Variants in SLC25A46 observed in about 807,000 individuals in gnomAD.
SLC25A46 encodes mitochondrial outer membrane protein SLC25A46.
In SLC25A46, 39 loss-of-function variants were observed where a neutral mutation model predicts 44.6. The ratio of observed to expected loss-of-function variants is 0.87; its 90% CI spans 0.68 to 1.14. The LOEUF is 1.14. Among genes scored for constraint, SLC25A46 ranks in the 50% most tolerant of loss-of-function variants. SLC25A46 has a pLI of 0.00. For synonymous variants in SLC25A46, 202 were observed against 185.8 expected, an observed-to-expected ratio of 1.09 and a Z score of -0.71; for missense variants, 547 against 522.7, an observed-to-expected ratio of 1.05 and a Z score of -0.45.
chr5:110,741,752 A>C (rs1799694370), intron 1 of SLC25A46: 1 of 229,228 alleles, frequency 4.4e-6, no homozygotes, highest in Non-Finnish European at 8.4e-6. Context: ...TTTTTTTGAA[A>C]AAATTACAAC....
At chr5:110,751,819 G>T (rs1458293806) in intron 5 of SLC25A46, among the ~76,000 whole-genome samples, 1 of 152,202 alleles carries the variant, frequency 6.6e-6, no homozygotes, top group Non-Finnish European at 1.5e-5. Flanking sequence ...GTAGATCAAA[G>T]AGAAGGCAGT....
intron 5 of SLC25A46, chr5:110,753,308 T>TC (rs1434614895): frequency 1.3e-5 from 2 of 150,578 alleles, no homozygotes; most frequent in South Asian, 4.2e-4. Flanking sequence ...TAAGTTTTTT[T>TC]TTTTTTTTTT....
intron 3 of SLC25A46, among the ~76,000 whole-genome samples, chr5:110,744,610 G>A (rs1000050427): frequency 2.0e-5 from 3 of 152,132 alleles, no homozygotes; most frequent in African/African-American, 7.2e-5. Context: ...AGCTCTTGAC[G>A]ATGCATATAG....
rs558223049 is a variant in SLC25A46, at chr5:110,762,030, T to C, written c.*248T>C. On this transcript the variant is annotated 3_prime_UTR_variant, in exon 8 of 8. Coordinates refer to ENST00000355943, the MANE Select transcript of SLC25A46 (RefSeq NM_138773.4). Reference sequence around the variant, plus strand: ...TAAATTCTAGTTAGTGTAGCACTCATGCTGAAGTAAACATGATCGTAGGCA... The same window carrying C: ...TAAATTCTAGTTAGTGTAGCACTCACGCTGAAGTAAACATGATCGTAGGCA... 1 of 333,890 alleles carries C rather than the reference T, an allele frequency of 3.0e-6. No individual in the cohort carries two copies. The highest frequency in any genetic ancestry group is 5.2e-5 in the South Asian group (1 of 19,092). 20.7% of individuals were successfully genotyped at this position (333,890 alleles called of 1,614,324 possible).
intron 1 of SLC25A46, among the ~76,000 whole-genome samples, chr5:110,739,730 A>T (rs963651726): frequency 1.3e-5 from 2 of 152,180 alleles, no homozygotes; most frequent in Non-Finnish European, 2.9e-5. Flanking sequence ...TCACTTTGGC[A>T]GCTCTATTTT....
intron 5 of SLC25A46, chr5:110,753,716 GT>G (rs1800030072): frequency 6.6e-6 from 1 of 152,048 alleles, no homozygotes. Flanking sequence ...TAAATACTTG[GT>G]TTTAAGTCTC....
At chr5:110,759,189 A>G (rs969734346) in intron 7 of SLC25A46, among the ~76,000 whole-genome samples, 7 of 152,160 alleles carry the variant, frequency 4.6e-5, no homozygotes, top group African/African-American at 1.7e-4. Flanking sequence ...GGTATATTTC[A>G]TGGCGATTAA....
At chr5:110,743,544 T>G (rs1799740808) in intron 2 of SLC25A46, among the ~76,000 whole-genome samples, 186 bp from the exon 3 acceptor site, 1 of 152,092 alleles carries the variant, frequency 6.6e-6, no homozygotes, top group Non-Finnish European at 1.5e-5. Flanking sequence ...ATATTGAATT[T>G]CGTTATGGGT....
Position 110,739,083 on chromosome 5 carries a change from G to A in SLC25A46, c.-37G>A, listed in dbSNP as rs531287378. On this transcript the variant is annotated 5_prime_UTR_variant, in exon 1 of 8. Coordinates refer to ENST00000355943, the MANE Select transcript of SLC25A46 (RefSeq NM_138773.4). Reference sequence around the variant, plus strand: ...GTCGTGGTGGCCCCGGTGGTGGTGGGCTCCGGGCGGGCTCGCGTCATCCTG... The same window carrying A: ...GTCGTGGTGGCCCCGGTGGTGGTGGACTCCGGGCGGGCTCGCGTCATCCTG... 2.7e-4 allele frequency: 414 copies of A among 1,536,550 alleles called. 1 individual carries two copies. Among genetic ancestry groups the A allele is most frequent in the Admixed American group, 8.6e-4 (43 of 49,858 alleles).
At chr5:110,742,463 TC>T in intron 2 of SLC25A46, among the ~76,000 whole-genome samples, 1 of 152,126 alleles carries the variant, frequency 6.6e-6, no homozygotes, top group East Asian at 1.9e-4. Context: ...AGAACTTTTT[TC>T]ATAGGACATT....
In SLC25A46 at chr5:110,762,876, AATAG is replaced by A. The variant is rs1209089814; in HGVS notation, c.*1097_*1100del. 1.3e-5 allele frequency: 2 copies of A among 151,914 alleles called. No individual in the cohort carries two copies. The highest frequency in any genetic ancestry group is 3.9e-4 in the East Asian group (2 of 5,172). 9.4% of individuals were successfully genotyped at this position (151,914 alleles called of 1,614,324 possible). ...TTTTGCTTTAAATTTTGTTTTCCAA[AATAG>A]ATGTACGTGGAGGGAAAAGCAATTA... On this transcript the variant is annotated 3_prime_UTR_variant, in exon 8 of 8. Coordinates refer to ENST00000355943, the MANE Select transcript of SLC25A46 (RefSeq NM_138773.4).
At chr5:110,739,479 G>A in intron 1 of SLC25A46, 77 bp downstream of exon 1, 5 of 1,480,994 alleles carry the variant, frequency 3.4e-6, no homozygotes, top group Non-Finnish European at 4.4e-6. Context: ...CCCGGAAGCG[G>A]CGCAGAGGAT....
chr5:110,744,041 A>G (rs978468508), intron 3 of SLC25A46, among the ~76,000 whole-genome samples: 1 of 152,314 alleles, frequency 6.6e-6, no homozygotes, highest in Admixed American at 6.5e-5. Flanking sequence ...CATCTATATA[A>G]TTCATTAAAA....
At chr5:110,754,103 C>G (rs1800041895) in intron 5 of SLC25A46, 1 of 152,022 alleles carries the variant, frequency 6.6e-6, no homozygotes, top group African/African-American at 2.4e-5. Flanking sequence ...AGAAGGTGCT[C>G]TAAGGTCTTA....
At chr5:110,752,892 T>C (rs1800002453) in intron 5 of SLC25A46, among the ~76,000 whole-genome samples, 1 of 151,980 alleles carries the variant, frequency 6.6e-6, no homozygotes, top group Non-Finnish European at 1.5e-5. Context: ...AAGGATACAC[T>C]ATGGTAGAAG....
intron 5 of SLC25A46, chr5:110,753,538 T>C (rs554716793): frequency 2.0e-5 from 3 of 152,124 alleles, no homozygotes; most frequent in South Asian, 2.1e-4. Context: ...AAATAGATAA[T>C]TTAGATATAT....
intron 6 of SLC25A46, 131 bp downstream of exon 6, chr5:110,755,652 C>T: frequency 2.0e-6 from 1 of 508,808 alleles, no homozygotes; most frequent in South Asian, 3.7e-5. Flanking sequence ...GGGACTATAA[C>T]TTCAAAGGAC....
At chr5:110,753,148 A>G (rs1472272692) in intron 5 of SLC25A46, among the ~76,000 whole-genome samples, 1 of 152,106 alleles carries the variant, frequency 6.6e-6, no homozygotes, top group Non-Finnish European at 1.5e-5. Flanking sequence ...GACTTTGGTA[A>G]GAGCTGTTTT....
intron 5 of SLC25A46, chr5:110,753,722 A>G (rs532839524): frequency 6.6e-6 from 1 of 152,250 alleles, no homozygotes; most frequent in East Asian, 1.9e-4. Context: ...CTTGGTTTTA[A>G]GTCTCCTTTT....
Sources: gnomAD v4.1 joint callset for allele counts (sites outside exome capture counted in the v4.1 genomes callset) on GRCh38, gnomAD v4.1.1 for gene constraint, MANE v1.5 for transcripts, NCBI Gene and HGNC (gene_info 2026-07-23, HGNC 2026-07-21) for gene names.